The following KIF15 variants were observed in gnomAD, a reference collection of about 807,000 sequenced individuals.
The protein encoded by KIF15 is kinesin-like protein KIF15.
In KIF15, 140 loss-of-function variants were observed where a neutral mutation model predicts 190.6. That is an observed-to-expected ratio of 0.73 (90% CI 0.64 to 0.84). The LOEUF is 0.84. Among genes scored for constraint, KIF15 ranks in the 40% least tolerant of loss-of-function variants. KIF15 has a pLI of 0.00. For synonymous variants in KIF15, 528 were observed against 551.3 expected, an observed-to-expected ratio of 0.96 and a Z score of 0.59; for missense variants, 1,372 against 1,584.4, an observed-to-expected ratio of 0.87 and a Z score of 2.28.
chr3:44,794,077 C>T (rs576694095), intron 7 of KIF15, 140 bp from the exon 8 acceptor site: 2 of 638,720 alleles, frequency 3.1e-6, no homozygotes, highest in South Asian at 4.1e-5. Flanking sequence ...TGAGGTCTCA[C>T]ACTATGTAGG....
At chr3:44,778,716 C>T (rs1276991070) in intron 4 of KIF15, among the ~76,000 whole-genome samples, 1 of 151,880 alleles carries the variant, frequency 6.6e-6, no homozygotes, top group Non-Finnish European at 1.5e-5. Context: ...TGGTGGCTCA[C>T]GCCTGTAATC....
intron 1 of KIF15, among the ~76,000 whole-genome samples, chr3:44,773,136 T>TA (rs58175574): frequency 0.46 from 65,736 of 142,504 alleles, 15,617 homozygotes; most frequent in East Asian, 0.83. Flanking sequence ...TAAAACATCT[T>TA]AAAAAAAAAA....
intron 26 of KIF15, among the ~76,000 whole-genome samples, chr3:44,832,329 A>G (rs1698111482): frequency 1.3e-5 from 2 of 152,236 alleles, no homozygotes; most frequent in South Asian, 4.1e-4. Context: ...CTTTTAGGAA[A>G]CCAAAACTGC....
chr3:44,805,983 T>G lies in KIF15; in HGVS notation c.1968T>G (p.Leu656=). 1 of 1,613,332 alleles carries G rather than the reference T, an allele frequency of 6.2e-7. No homozygotes were observed. The highest frequency in any genetic ancestry group is 8.5e-7 in the Non-Finnish European group (1 of 1,179,810). ...TGAATAAAATTCATGCTGAAACACT[T>G]AAGGTAGGTCATCTGAACAATACCT... ...SQLNKIHAET[L]KIITTPTKAY... is the part of the protein sequence containing the mutation. The change falls in exon 16 of 35, where the codon CTT becomes CTG. Residue 656 remains leucine (L), a synonymous_variant. Transcript: ENST00000326047.
chr3:44,806,066 A>G lies in KIF15; in HGVS notation c.1971+80A>G, dbSNP rs1038274986. The G allele has an allele frequency of 5.9e-5, 85 of 1,449,730 alleles. No individual in the cohort carries two copies. The East Asian group carries it at 1.7e-3, about 28-fold the overall frequency. 89.8% of individuals were successfully genotyped at this position (1,449,730 alleles called of 1,614,324 possible). A position where few individuals can be genotyped will look rare whatever the true frequency, so the allele number is the denominator to read the frequency against. ...ATAATGGAGAGAGTCTGCATGGTCTATCTCCAGATGCAGATGACATCCCAT... is the reference window on the plus strand; with the variant it reads ...ATAATGGAGAGAGTCTGCATGGTCTGTCTCCAGATGCAGATGACATCCCAT... On this transcript the variant is annotated intron_variant, in intron 16 of 34. Coordinates refer to ENST00000326047, the MANE Select transcript of KIF15 (RefSeq NM_020242.3).
intron 32 of KIF15, 37 bp from the exon 33 acceptor site, chr3:44,851,750 C>A (rs1329038356): frequency 1.3e-6 from 2 of 1,536,728 alleles, no homozygotes; most frequent in Non-Finnish European, 1.8e-6. Flanking sequence ...GATTATGTTT[C>A]TTTCAAATAC....
At chr3:44,827,004 A>G (rs1181720108) in intron 22 of KIF15, 3 of 456,780 alleles carry the variant, frequency 6.6e-6, no homozygotes, top group South Asian at 1.5e-5. Context: ...AGGCCCTGGT[A>G]TACAGTGGTG....
chr3:44,801,703 TACGAAAATTTAG>T, intron 12 of KIF15, 50 bp from the exon 13 acceptor site: 1 of 1,138,700 alleles, frequency 8.8e-7, no homozygotes, highest in South Asian at 1.4e-5. Context: ...TTGCTGGACT[TACGAAAATTTAG>T]GGAAGTCAAA....
chr3:44,852,472 A>G, intron 34 of KIF15, 133 bp downstream of exon 34: 1 of 1,003,186 alleles, frequency 1.0e-6, no homozygotes, highest in Non-Finnish European at 1.4e-6. Context: ...AAAAAAAAAA[A>G]AAAAGTTGGT....
intron 7 of KIF15, among the ~76,000 whole-genome samples, chr3:44,789,555 C>T (rs1053473721): frequency 4.0e-5 from 6 of 148,204 alleles, no homozygotes; most frequent in Admixed American, 6.7e-5. Flanking sequence ...TTTTCTTGTC[C>T]GTGTAATCTA....
rs1698950877 is a variant in KIF15, at chr3:44,848,578, A to T, written c.3806+20A>T. On this transcript the variant is annotated intron_variant, in intron 32 of 34. Transcript: ENST00000326047. ...AGCAGAGTAAGTGTACTATTTTGTA[A>T]TTTAAAATCTTGATCATCTTTTCCT... The T allele has an allele frequency of 1.7e-6, 2 of 1,156,312 alleles. No homozygotes were observed. The highest frequency in any genetic ancestry group is 2.5e-6 in the Non-Finnish European group (2 of 804,584). 71.6% of individuals were successfully genotyped at this position (1,156,312 alleles called of 1,614,324 possible). A position where few individuals can be genotyped will look rare whatever the true frequency, so the allele number is the denominator to read the frequency against.
intron 6 of KIF15, chr3:44,862,160 G>A: frequency 3.8e-6 from 4 of 1,055,764 alleles, no homozygotes; most frequent in Non-Finnish European, 4.7e-6. Context: ...CGGGCGGGCG[G>A]GCGGGGCGCC....
rs1035188751 is a variant in KIF15, at chr3:44,838,299, G to T, written c.3196G>T (p.Ala1066Ser). ...GAGGGATATGCTCTGTGAGGACCTG[G>T]CTCATGCCACTGAGCAGCTGAACAT... The part of the protein sequence containing the change: ...IERDMLCEDL[A>S]HATEQLNMLT... Residue 1066 changes from alanine (A) to serine (S), a missense_variant, in exon 27 of 35, where the codon GCT becomes TCT. Physicochemically the swap from Ala to Ser is moderately conservative, Grantham distance 99. Coordinates refer to ENST00000326047, the MANE Select transcript of KIF15 (RefSeq NM_020242.3). 6.2e-7 allele frequency: 1 copy of T among 1,613,224 alleles called. No individual in the cohort carries two copies. Among genetic ancestry groups the T allele is most frequent in the African/African-American group, 1.3e-5 (1 of 74,846 alleles).
chr3:44,842,539 A>G (rs1698658566), intron 29 of KIF15, among the ~76,000 whole-genome samples: 1 of 152,222 alleles, frequency 6.6e-6, no homozygotes, highest in South Asian at 2.1e-4. Context: ...ATTATTCCCA[A>G]TCTTTTTATT....
intron 20 of KIF15, among the ~76,000 whole-genome samples, chr3:44,824,295 C>T (rs1697528535): frequency 6.6e-6 from 1 of 152,222 alleles, no homozygotes; most frequent in African/African-American, 2.4e-5. Context: ...AGGCCCACAT[C>T]CCTGCATGGC....
Position 44,797,647 on chromosome 3 carries a change from A to G in KIF15, c.946A>G (p.Arg316Gly), listed in dbSNP as rs767206179. ...TGGAAAACAGAGACATGTTTGCTAC[A>G]GAGACTCCAAACTTACCTTCTTACT... ...GNGKQRHVCYRDSKLTFLLRD... is the reference protein window; with the variant it reads ...GNGKQRHVCYGDSKLTFLLRD... The change falls in exon 9 of 35, where the codon AGA becomes GGA. Residue 316 changes from arginine (R) to glycine (G), a missense_variant. Coordinates refer to ENST00000326047, the MANE Select transcript of KIF15 (RefSeq NM_020242.3). 11 of 1,614,044 alleles carry G rather than the reference A, an allele frequency of 6.8e-6. No individual in the cohort carries two copies. Among genetic ancestry groups the G allele is most frequent in the Non-Finnish European group, 9.3e-6 (11 of 1,180,022 alleles).
chr3:44,861,960 G>C (rs1320510293), intron 6 of KIF15: 9 of 1,400,540 alleles, frequency 6.4e-6, no homozygotes, highest in Non-Finnish European at 8.3e-6. Context: ...GCGGCGCCGT[G>C]TCCGCGACCG....
intron 8 of KIF15, 121 bp downstream of exon 8, chr3:44,794,547 G>A (rs1413293107): frequency 1.4e-6 from 1 of 693,066 alleles, no homozygotes; most frequent in East Asian, 2.8e-5. Context: ...GGTCCCTTAA[G>A]AGTATAATAG....
At chr3:44,866,425 G>C (rs1699323258) in intron 6 of KIF15, among the ~76,000 whole-genome samples, 1 of 152,144 alleles carries the variant, frequency 6.6e-6, no homozygotes, top group African/African-American at 2.4e-5. Context: ...AGTTCAAAGT[G>C]GGCTGTGTGC....
Sources: allele counts gnomAD v4.1 joint callset (sites outside exome capture counted in the v4.1 genomes callset), GRCh38; gene constraint gnomAD v4.1.1; transcripts MANE v1.5; gene names NCBI Gene and HGNC (gene_info 2026-07-23, HGNC 2026-07-21).